The following GFOD1 variants were observed in gnomAD, a reference collection of about 807,000 sequenced individuals.
GFOD1 encodes the protein Gfo/Idh/MocA-like oxidoreductase domain containing 1.
A neutral mutation model predicts 25.4 loss-of-function variants in GFOD1; 9 were observed. The ratio of observed to expected loss-of-function variants is 0.35; its 90% CI spans 0.21 to 0.62. GFOD1 has a LOEUF of 0.62. GFOD1 is among the 20% of genes least tolerant of loss of function. The pLI, the probability that GFOD1 is intolerant of heterozygous loss-of-function variation, is 0.72. For synonymous variants in GFOD1, 253 were observed against 245.6 expected, an observed-to-expected ratio of 1.03 and a Z score of -0.28; for missense variants, 403 against 556.9, an observed-to-expected ratio of 0.72 and a Z score of 2.78.
At chr6:13,409,741 G>A (rs1342071375) in intron 1 of GFOD1, among the ~76,000 whole-genome samples, 1 of 152,078 alleles carries the variant, frequency 6.6e-6, no homozygotes, top group Admixed American at 6.5e-5. Flanking sequence ...CTAACACAGT[G>A]AAACCCCGTC....
chr6:13,377,249 G>T (rs1299896937), intron 1 of GFOD1, among the ~76,000 whole-genome samples: 2 of 152,090 alleles, frequency 1.3e-5, no homozygotes, highest in Non-Finnish European at 2.9e-5. Flanking sequence ...TTGTATTGCT[G>T]CTATAACAAA....
chr6:13,476,001 A>G (rs1758616670), intron 1 of GFOD1, among the ~76,000 whole-genome samples: 1 of 152,214 alleles, frequency 6.6e-6, no homozygotes, highest in African/African-American at 2.4e-5. Flanking sequence ...TGGGAATGTA[A>G]TATGATGCCA....
Position 13,380,126 on chromosome 6 carries a change from C to T in GFOD1, c.254-14464G>A, listed in dbSNP as rs1785333273. Among the ~76,000 whole-genome samples the T allele has an allele frequency of 3.9e-5, 6 of 152,272 alleles. No homozygotes were observed. In the South Asian group the frequency reaches 1.2e-3, roughly 32 times the overall value. On this transcript the variant is annotated intron_variant, in intron 1 of 1. Coordinates refer to ENST00000379287, the MANE Select transcript of GFOD1 (RefSeq NM_018988.4). ...CTCTTAGAGCTGCAAGAATTCAAAACAAGTTGGTGGCAGGGAGGTAAGTGC... is the reference window on the plus strand; with the variant it reads ...CTCTTAGAGCTGCAAGAATTCAAAATAAGTTGGTGGCAGGGAGGTAAGTGC...
At chr6:13,414,567 C>A (rs566470410) in intron 1 of GFOD1, among the ~76,000 whole-genome samples, 5 of 152,188 alleles carry the variant, frequency 3.3e-5, no homozygotes, top group Non-Finnish European at 5.9e-5. Context: ...GGCATGGCCA[C>A]CTAGGTCCCT....
chr6:13,463,221 C>G (rs888411825), intron 1 of GFOD1, among the ~76,000 whole-genome samples: 9 of 152,126 alleles, frequency 5.9e-5, no homozygotes, highest in African/African-American at 2.2e-4. Context: ...GCTGGCAGCC[C>G]CTGGGGAGAT....
chr6:13,427,309 C>T (rs770332767), intron 1 of GFOD1, among the ~76,000 whole-genome samples: 1 of 152,096 alleles, frequency 6.6e-6, no homozygotes, highest in Non-Finnish European at 1.5e-5. Context: ...TCCAGCTGGG[C>T]TCAAGTGAGG....
rs562316929 is a variant in GFOD1, at chr6:13,440,347, C to T, written c.253+46291G>A. On this transcript the variant is annotated intron_variant, in intron 1 of 1. Transcript: ENST00000379287. ...GGGATTATAGGCACCCACCACCACG[C>T]TCAGCTAATTTTTGTATATTTTTAG... Among the ~76,000 whole-genome samples, 13 of 152,212 alleles carry T rather than the reference C, an allele frequency of 8.5e-5. No individual in the cohort carries two copies. The South Asian group carries it at 2.5e-3, about 29-fold the overall frequency.
chr6:13,477,226 T>TGTGTGTGTGC (rs35071983), intron 1 of GFOD1, among the ~76,000 whole-genome samples: 32 of 147,948 alleles, frequency 2.2e-4, no homozygotes, highest in Admixed American at 1.4e-3. Context: ...GGTGTGTGTG[T>TGTGTGTGTGC]GTGTGTGTGT....
At chr6:13,458,837 T>G (rs1293924135) in intron 1 of GFOD1, among the ~76,000 whole-genome samples, 7 of 141,164 alleles carry the variant, frequency 5.0e-5, no homozygotes, top group African/African-American at 1.8e-4. Context: ...TAAGAAGTGA[T>G]GATGGAATAG....
intron 1 of GFOD1, among the ~76,000 whole-genome samples, chr6:13,367,463 C>T (rs1242407170): frequency 6.6e-6 from 1 of 152,184 alleles, no homozygotes; most frequent in Non-Finnish European, 1.5e-5. Flanking sequence ...GTGCCTGCTT[C>T]CTTCCCGACC....
At position 13,405,819 on chromosome 6, in the gene GFOD1, G is replaced by A. The variant is rs569507760; in HGVS notation, c.254-40157C>T. Among the ~76,000 whole-genome samples, 9 of 152,276 alleles carry A rather than the reference G, an allele frequency of 5.9e-5. No individual in the cohort carries two copies. In the East Asian group the frequency reaches 1.7e-3, roughly 29 times the overall value. On this transcript the variant is annotated intron_variant, in intron 1 of 1. Coordinates refer to ENST00000379287, the MANE Select transcript of GFOD1 (RefSeq NM_018988.4). ...TTCCCACTATATGTGTATTGTGGGTGGGATAGGGCAGAGTTGAAGATAAAG... is the reference window on the plus strand; with the variant it reads ...TTCCCACTATATGTGTATTGTGGGTAGGATAGGGCAGAGTTGAAGATAAAG...
intron 1 of GFOD1, chr6:13,469,985 A>G (rs1373173528): frequency 6.8e-6 from 9 of 1,315,846 alleles, no homozygotes; most frequent in Admixed American, 2.2e-5. Context: ...CTCAGAGCAC[A>G]TGCCATATCT....
chr6:13,376,215 A>C (rs1785253697), intron 1 of GFOD1, among the ~76,000 whole-genome samples: 1 of 152,174 alleles, frequency 6.6e-6, no homozygotes, highest in Non-Finnish European at 1.5e-5. Flanking sequence ...GGACGGGGGC[A>C]AGAGGTCCCA....
intron 1 of GFOD1, among the ~76,000 whole-genome samples, chr6:13,433,336 C>G (rs1757782343): frequency 6.6e-6 from 1 of 152,152 alleles, no homozygotes; most frequent in African/African-American, 2.4e-5. Flanking sequence ...TCAAGCTGGT[C>G]TCAAACTCTT....
At chr6:13,439,572 AG>A (rs1353951500) in intron 1 of GFOD1, among the ~76,000 whole-genome samples, 2 of 152,222 alleles carry the variant, frequency 1.3e-5, no homozygotes, top group African/African-American at 4.8e-5. Context: ...GGATTTCTTG[AG>A]GCCAGGAGTT....
chr6:13,425,900 G>C (rs1786343626), intron 1 of GFOD1, among the ~76,000 whole-genome samples: 1 of 150,834 alleles, frequency 6.6e-6, no homozygotes, highest in Non-Finnish European at 1.5e-5. Flanking sequence ...AAGAAAGAAA[G>C]AAAAAGAAAC....
At chr6:13,421,220 G>A (rs1337732388) in intron 1 of GFOD1, among the ~76,000 whole-genome samples, 2 of 152,152 alleles carry the variant, frequency 1.3e-5, no homozygotes, top group African/African-American at 4.8e-5. Flanking sequence ...AGGCATGTTC[G>A]CTCATGCTTG....
chr6:13,403,924 A>G (rs1282310168), intron 1 of GFOD1, among the ~76,000 whole-genome samples: 1 of 152,226 alleles, frequency 6.6e-6, no homozygotes, highest in Non-Finnish European at 1.5e-5. Context: ...GGGTGATGAA[A>G]TGTTCTAAAA....
intron 1 of GFOD1, among the ~76,000 whole-genome samples, chr6:13,404,196 G>A (rs1317432035): frequency 7.9e-5 from 12 of 152,172 alleles, no homozygotes; most frequent in Non-Finnish European, 1.5e-5. Context: ...AATATTCTGA[G>A]ATGGGGAACC....
Sources: allele counts gnomAD v4.1 joint callset (sites outside exome capture counted in the v4.1 genomes callset), GRCh38; gene constraint gnomAD v4.1.1; transcripts MANE v1.5; gene names NCBI Gene and HGNC (gene_info 2026-07-23, HGNC 2026-07-21).